ZNF804B: variants seen among roughly 807,000 people sequenced by gnomAD.
The protein encoded by ZNF804B is zinc finger protein 804B.
A neutral mutation model predicts 101.4 loss-of-function variants in ZNF804B; 80 were observed. The ratio of observed to expected loss-of-function variants is 0.79; its 90% confidence interval spans 0.66 to 0.95. ZNF804B has a LOEUF of 0.95. Ranked by LOEUF, ZNF804B falls within the 40% of genes least tolerant of loss-of-function variation. ZNF804B has a pLI of 0.00. For synonymous variants in ZNF804B, 622 were observed against 558.8 expected (o/e 1.11, Z -1.59); for missense variants, 1,673 against 1,561.9 (o/e 1.07, Z -1.20).
chr7:88,870,077 C>G (rs192443882), intron 1 of ZNF804B, among the ~76,000 whole-genome samples: 1 of 152,252 alleles, frequency 6.6e-6, no homozygotes, highest in African/African-American at 2.4e-5. Context: ...ATGCTGCCAA[C>G]TGTCACCATT....
At chr7:89,265,295 C>T (rs62472173) in intron 2 of ZNF804B, among the ~76,000 whole-genome samples, 5,183 of 95,808 alleles carry the variant, frequency 0.054, 270 homozygotes, top group African/African-American at 0.15. Flanking sequence ...TGTGTGTGTG[C>T]GCGTGCGCGC....
intron 1 of ZNF804B, among the ~76,000 whole-genome samples, chr7:89,147,983 G>C (rs6948044): frequency 0.26 from 39,126 of 151,618 alleles, 5,089 homozygotes; most frequent in Admixed American, 0.31. Context: ...TAATGCATTT[G>C]ATTCATCCCG....
intron 1 of ZNF804B, among the ~76,000 whole-genome samples, chr7:89,180,812 G>A (rs984521308): frequency 6.7e-6 from 1 of 149,386 alleles, no homozygotes; most frequent in African/African-American, 2.5e-5. Flanking sequence ...GTGAACAGAG[G>A]ACAGCACCAA....
At chr7:88,885,662 C>A (rs1189870589) in intron 1 of ZNF804B, among the ~76,000 whole-genome samples, 1 of 150,236 alleles carries the variant, frequency 6.7e-6, no homozygotes, top group Non-Finnish European at 1.5e-5. Context: ...CTCCTTTCTG[C>A]ATCTTTCAGA....
chr7:89,243,130 T>C (rs1789394093), intron 2 of ZNF804B, among the ~76,000 whole-genome samples: 2 of 151,848 alleles, frequency 1.3e-5, no homozygotes, highest in South Asian at 2.1e-4. Context: ...CTTGGTCTTC[T>C]ATAAAATTAT....
intron 1 of ZNF804B, among the ~76,000 whole-genome samples, chr7:89,019,662 T>G (rs760298089): frequency 6.6e-6 from 1 of 152,028 alleles, no homozygotes; most frequent in African/African-American, 2.4e-5. Context: ...GACCCTCCAA[T>G]GTTAGATACA....
chr7:89,079,632 A>G (rs1048375599), intron 1 of ZNF804B, among the ~76,000 whole-genome samples: 2 of 152,062 alleles, frequency 1.3e-5, no homozygotes, highest in African/African-American at 4.8e-5. Flanking sequence ...TGAAAAATAC[A>G]TGAAATTTAG....
chr7:89,277,147 CAT>C (rs1026747921), intron 2 of ZNF804B, among the ~76,000 whole-genome samples: 49 of 148,154 alleles, frequency 3.3e-4, no homozygotes, highest in African/African-American at 1.1e-3. Flanking sequence ...TATATAAACA[CAT>C]AAATATAAAA....
At chr7:88,793,041 A>C (rs1790403351) in intron 1 of ZNF804B, among the ~76,000 whole-genome samples, 1 of 152,036 alleles carries the variant, frequency 6.6e-6, no homozygotes, top group Admixed American at 6.6e-5. Context: ...AAAGAAGCTA[A>C]AAATGAAAAA....
chr7:88,827,524 T>A (rs1338621710), intron 1 of ZNF804B, among the ~76,000 whole-genome samples: 1 of 152,092 alleles, frequency 6.6e-6, no homozygotes. Context: ...GTCTTCATGG[T>A]GTTCCAGTCT....
intron 1 of ZNF804B, among the ~76,000 whole-genome samples, chr7:89,214,000 A>C (rs1584058835): frequency 6.6e-6 from 1 of 152,208 alleles, no homozygotes; most frequent in Admixed American, 6.5e-5. Flanking sequence ...TCTAGTCAAC[A>C]CTAGCCACTT....
intron 1 of ZNF804B, among the ~76,000 whole-genome samples, chr7:88,830,362 C>G (rs892545669): frequency 1.3e-5 from 2 of 151,980 alleles, no homozygotes; most frequent in African/African-American, 4.8e-5. Flanking sequence ...AAATATCCAC[C>G]TGCTACACAT....
At chr7:89,146,184 A>G (rs1790789139) in intron 1 of ZNF804B, among the ~76,000 whole-genome samples, 1 of 152,102 alleles carries the variant, frequency 6.6e-6, no homozygotes, top group South Asian at 2.1e-4. Context: ...AATATATTCA[A>G]AAGATGAAGA....
At chr7:89,046,502 A>C (rs1227904817) in intron 1 of ZNF804B, among the ~76,000 whole-genome samples, 1 of 152,160 alleles carries the variant, frequency 6.6e-6, no homozygotes, top group Non-Finnish European at 1.5e-5. Context: ...GTTTTGATGG[A>C]CTAAATAAAG....
At chr7:89,092,891 G>A (rs1297265038) in intron 1 of ZNF804B, among the ~76,000 whole-genome samples, 1 of 152,150 alleles carries the variant, frequency 6.6e-6, no homozygotes, top group African/African-American at 2.4e-5. Flanking sequence ...TAGAAACCAA[G>A]ATCTGGGTGC....
chr7:89,083,182 A>T (rs1249147835), intron 1 of ZNF804B, among the ~76,000 whole-genome samples: 1 of 151,790 alleles, frequency 6.6e-6, no homozygotes, highest in Non-Finnish European at 1.5e-5. Flanking sequence ...AAAATTTGAA[A>T]TTCTGCTAAT....
intron 1 of ZNF804B, among the ~76,000 whole-genome samples, chr7:89,189,450 C>A (rs1034137486): frequency 5.3e-5 from 8 of 152,032 alleles, no homozygotes; most frequent in Admixed American, 1.3e-4. Context: ...ATCCAAGTAA[C>A]CTTGTGGTAT....
At chr7:89,129,550 G>A (rs1173456724) in intron 1 of ZNF804B, among the ~76,000 whole-genome samples, 2 of 152,004 alleles carry the variant, frequency 1.3e-5, no homozygotes, top group Non-Finnish European at 2.9e-5. Flanking sequence ...GAACAATACA[G>A]TAGTTCTCAG....
chr7:89,064,879 C>A (rs926115803), intron 1 of ZNF804B, among the ~76,000 whole-genome samples: 1 of 152,126 alleles, frequency 6.6e-6, no homozygotes, highest in East Asian at 1.9e-4. Flanking sequence ...CTCTGCATCA[C>A]ACTAGCTTCA....
Sources: allele counts gnomAD v4.1 joint callset (sites outside exome capture counted in the v4.1 genomes callset), GRCh38; gene constraint gnomAD v4.1.1; transcripts MANE v1.5; gene names NCBI Gene and HGNC (gene_info 2026-07-23, HGNC 2026-07-21).